RPL34: variants seen among roughly 807,000 people sequenced by gnomAD.
RPL34 encodes large ribosomal subunit protein eL34.
Under a neutral mutation model 16.3 loss-of-function variants are expected in RPL34, and 2 were observed. That is an observed-to-expected ratio of 0.12 (90% CI 0.05 to 0.39). RPL34 has a LOEUF of 0.39. Ranked by LOEUF, RPL34 falls within the 10% of genes least tolerant of loss-of-function variation. RPL34 has a pLI of 0.99. For synonymous variants in RPL34, 47 were observed against 48.5 expected (o/e 0.97, Z 0.13); for missense variants, 82 against 148.8 (o/e 0.55, Z 2.33).
downstream of RPL34, among the ~76,000 whole-genome samples, chr4:108,627,951 A>G (rs373292275): frequency 4.9e-4 from 74 of 152,272 alleles, 2 homozygotes; most frequent in African/African-American, 1.7e-3. Flanking sequence ...CAGCAACTCC[A>G]ACAGCTTTAT....
chr4:108,623,978 C>T (rs1037144510), intron 4 of RPL34, among the ~76,000 whole-genome samples: 5 of 152,138 alleles, frequency 3.3e-5, no homozygotes, highest in Admixed American at 6.6e-5. Flanking sequence ...AAGGAAAGTA[C>T]GGACTGATCT....
At position 108,625,320 on chromosome 4, in the gene RPL34, T is replaced by C; in HGVS notation, c.*108T>C. The C allele has an allele frequency of 1.6e-6, 1 of 635,646 alleles. No homozygotes were observed. The highest frequency in any genetic ancestry group is 2.8e-5 in the Admixed American group (1 of 35,140). 39.4% of individuals were successfully genotyped at this position (635,646 alleles called of 1,614,324 possible). ...TACAGATTTTGTTTCTGTATGGTAT[T>C]TGGGGACCCTATAGTTTTTAGCAGA... is the stretch of plus-strand genomic sequence containing the variant. On this transcript the variant is annotated 3_prime_UTR_variant, in exon 5 of 5. Coordinates refer to ENST00000394667, the MANE Select transcript of RPL34 (RefSeq NM_001319236.2).
At chr4:108,623,476 C>G (rs1489303755) in intron 4 of RPL34, 1 of 152,412 alleles carries the variant, frequency 6.6e-6, no homozygotes, top group Non-Finnish European at 1.5e-5. Context: ...GTGGTGTGAT[C>G]TTGGCTCACT....
downstream of RPL34, among the ~76,000 whole-genome samples, chr4:108,626,613 A>G (rs1194119593): frequency 6.6e-6 from 1 of 151,772 alleles, no homozygotes; most frequent in Non-Finnish European, 1.5e-5. Flanking sequence ...TAATTTTTGT[A>G]TTTTTAGTAG....
downstream of RPL34, among the ~76,000 whole-genome samples, chr4:108,627,666 A>G (rs1007068803): frequency 6.6e-6 from 1 of 152,142 alleles, no homozygotes; most frequent in Non-Finnish European, 1.5e-5. Flanking sequence ...GTTCGAGACC[A>G]GCCTGACCAG....
chr4:108,625,267 T>A lies in RPL34; in HGVS notation c.*55T>A. 9.4e-7 allele frequency: 1 copy of A among 1,063,520 alleles called. No individual in the cohort carries two copies. The highest frequency in any genetic ancestry group is 2.5e-5 in the East Asian group (1 of 40,306). 65.9% of individuals were successfully genotyped at this position (1,063,520 alleles called of 1,614,324 possible). ...TGAAAAGACGCTGTATGTATGACTT[T>A]TTTTTTTTCTGTTGTAATGTGTTAG... is the stretch of plus-strand genomic sequence containing the variant. On this transcript the variant is annotated 3_prime_UTR_variant, in exon 5 of 5. Transcript: ENST00000394667.
At chr4:108,621,098 A>C (rs1725748831) in intron 1 of RPL34, 1 of 150,310 alleles carries the variant, frequency 6.7e-6, no homozygotes, top group Non-Finnish European at 1.5e-5. Context: ...TAATGGCTTC[A>C]TAAATCACTC....
chr4:108,630,215 C>T (rs1446969453), downstream of RPL34: 6 of 152,046 alleles, frequency 3.9e-5, no homozygotes, highest in African/African-American at 1.4e-4. Flanking sequence ...TAAATACTAC[C>T]AGCACATCCC....
chr4:108,623,237 CAGG>C (rs1383075640), intron 4 of RPL34: 1 of 151,978 alleles, frequency 6.6e-6, no homozygotes, highest in Non-Finnish European at 1.5e-5. Flanking sequence ...GAGACTGAGG[CAGG>C]AGAATTGCTG....
At chr4:108,623,078 A>G (rs1725852236) in intron 4 of RPL34, 1 of 152,674 alleles carries the variant, frequency 6.5e-6, no homozygotes, top group Admixed American at 6.5e-5. Context: ...TATGCCTGAA[A>G]TCCCAACACT....
Position 108,625,236 on chromosome 4 carries a change from T to G in RPL34, c.*24T>G, listed in dbSNP as rs2110366639. The G allele has an allele frequency of 6.8e-7, 1 of 1,465,138 alleles. No homozygotes were observed. Among genetic ancestry groups the G allele is most frequent in the Admixed American group, 1.8e-5 (1 of 54,132 alleles). The allele number at this position is 1,465,138 out of a possible 1,614,324, so 90.8% of individuals were successfully genotyped here. ...AAAAAAATGAAACTTTTTTGAGTAA[T>G]AAAAATGAAAAGACGCTGTATGTAT... On this transcript the variant is annotated 3_prime_UTR_variant, in exon 5 of 5. Transcript: ENST00000394667.
At chr4:108,621,529 G>C (rs1241383705) in intron 1 of RPL34, 1 of 212,158 alleles carries the variant, frequency 4.7e-6, no homozygotes, top group Non-Finnish European at 9.7e-6. Context: ...GAATTCCCAT[G>C]TTAGAGATAA....
Position 108,622,201 on chromosome 4 carries a change from A to G in RPL34, c.162A>G (p.Arg54=), listed in dbSNP as rs746431660. The change falls in exon 3 of 5, where the codon CGA becomes CGG. Residue 54 remains arginine, a synonymous_variant. Transcript: ENST00000394667. Reference sequence around the variant, plus strand: ...GTGGTGTGTGCCCAGGCAGACTTCGAGGGGTAAGTGTACCTTTTACTGTGT... The same window carrying G: ...GTGGTGTGTGCCCAGGCAGACTTCGGGGGGTAAGTGTACCTTTTACTGTGT... ...SACGVCPGRL[R]GVRAVRPKVL... 1 of 1,603,942 alleles carries G rather than the reference A, an allele frequency of 6.2e-7. No homozygotes were observed. The highest frequency in any genetic ancestry group is 8.5e-7 in the Non-Finnish European group (1 of 1,174,426).
intron 1 of RPL34, chr4:108,621,104 C>T (rs1725749241): frequency 6.7e-6 from 1 of 148,924 alleles, no homozygotes; most frequent in African/African-American, 2.4e-5. Context: ...CTTCATAAAT[C>T]ACTCGCACTG....
chr4:108,628,754 C>T (rs907421662), downstream of RPL34, among the ~76,000 whole-genome samples: 8 of 152,154 alleles, frequency 5.3e-5, no homozygotes, highest in African/African-American at 1.7e-4. Context: ...ACTTAACAAA[C>T]AGCTTTGTAG....
At chr4:108,621,178 G>A (rs189665764) in intron 1 of RPL34, 33 of 152,344 alleles carry the variant, frequency 2.2e-4, no homozygotes, top group African/African-American at 7.0e-4. Flanking sequence ...TGAGAGGCTT[G>A]TGACAACAAA....
chr4:108,629,399 C>G (rs1726110470), downstream of RPL34, among the ~76,000 whole-genome samples: 1 of 152,100 alleles, frequency 6.6e-6, no homozygotes. Context: ...TCTTATATAT[C>G]TGATTATTTC....
intron 3 of RPL34, 57 bp from the exon 4 acceptor site, chr4:108,622,458 A>G: frequency 7.1e-7 from 1 of 1,400,804 alleles, no homozygotes; most frequent in East Asian, 2.3e-5. Context: ...CACTTAACAA[A>G]ATTTAGGGAA....
At chr4:108,620,663 G>C in intron 1 of RPL34, 63 bp downstream of exon 1, 8 of 256,950 alleles carry the variant, frequency 3.1e-5, no homozygotes, top group Non-Finnish European at 5.6e-5. Context: ...CATCCGAGGA[G>C]CTGAGGAAGC....
Sources: allele counts gnomAD v4.1 joint callset (sites outside exome capture counted in the v4.1 genomes callset), GRCh38; gene constraint gnomAD v4.1.1; transcripts MANE v1.5; gene names NCBI Gene and HGNC (gene_info 2026-07-23, HGNC 2026-07-21).